Variants in MCM7 observed in about 807,000 individuals in gnomAD.
MCM7 encodes the protein DNA replication licensing factor MCM7.
In MCM7, 95 loss-of-function variants were observed where a neutral mutation model predicts 83.5. That is an observed-to-expected ratio of 1.14 (90% confidence interval 0.96 to 1.35). The LOEUF (loss-of-function observed/expected upper bound fraction) is 1.35. Ranked by LOEUF, MCM7 falls within the 40% of genes most tolerant of loss-of-function variation. The pLI is 0.00. For missense variants in MCM7, 1,087 were observed against 957.4 expected, an observed-to-expected ratio of 1.14 and a Z score of -1.79; for synonymous variants, 461 against 352.7, an observed-to-expected ratio of 1.31 and a Z score of -3.44.
At chr7:100,100,936 GC>G (rs1244178065) in intron 1 of MCM7, 2 of 1,026,096 alleles carry the variant, frequency 1.9e-6, no homozygotes, top group South Asian at 6.1e-5. Flanking sequence ...GGGCACGGGA[GC>G]CCAGAGCCCT....
intron 13 of MCM7, 142 bp from the exon 14 acceptor site, chr7:100,093,543 C>A (rs755401984): frequency 3.7e-6 from 3 of 819,860 alleles, no homozygotes. Flanking sequence ...CCCCTCCCCC[C>A]AGCATCCGCA....
Position 100,099,674 on chromosome 7 carries a change from TCCA to T in MCM7, c.188_190del (p.Val63del). ...GCGCCTGGCATTCTCACAAATTGAGTCCACCAACTCGGGGTCATCCTCGGCTAC... is the reference window on the plus strand; with the variant it reads ...GCGCCTGGCATTCTCACAAATTGAGTCCAACTCGGGGTCATCCTCGGCTAC... On this transcript the variant is annotated inframe_deletion, in exon 3 of 15. Transcript: ENST00000303887. The T allele has an allele frequency of 1.2e-6, 2 of 1,614,080 alleles. No homozygotes were observed. The highest frequency in any genetic ancestry group is 1.7e-6 in the Non-Finnish European group (2 of 1,180,026).
At chr7:100,096,763 T>G (rs2116571430) in intron 10 of MCM7, among the ~76,000 whole-genome samples, 1 of 150,506 alleles carries the variant, frequency 6.6e-6, no homozygotes, top group East Asian at 2.0e-4. Context: ...TGACTGAGAC[T>G]CCGTCTCAAA....
At chr7:100,101,122 A>C in intron 1 of MCM7, 142 bp downstream of exon 1, 1 of 1,048,932 alleles carries the variant, frequency 9.5e-7, no homozygotes, top group Non-Finnish European at 1.4e-6. Context: ...GGCCTTAGCC[A>C]GGCCGCAGCT....
intron 12 of MCM7, among the ~76,000 whole-genome samples, chr7:100,094,681 G>C (rs1795523683): frequency 6.6e-6 from 1 of 152,156 alleles, no homozygotes; most frequent in Non-Finnish European, 1.5e-5. Flanking sequence ...AAAGAGAACT[G>C]TTTACAGAAT....
At chr7:100,097,054 T>C (rs544426547) in intron 10 of MCM7, among the ~76,000 whole-genome samples, 38 of 152,206 alleles carry the variant, frequency 2.5e-4, no homozygotes, top group African/African-American at 8.4e-4. Context: ...TGAACCGAGA[T>C]AGCGCCACTG....
At position 100,099,633 on chromosome 7, in the gene MCM7, CAA is replaced by C. The variant is rs763289795; in HGVS notation, c.230_231del (p.Phe77CysfsTer2). On this transcript the variant is annotated frameshift_variant, in exon 3 of 15. Transcript: ENST00000303887. LOFTEE classifies it high-confidence loss of function. ...GGCAGCAGCTCTTGTACGGCATCAG[CAA>C]AGAGCTTCGCGTAGCGCCTGGCATT... ...CENARRYAKL[F>X]ADAVQELLPQ... 1.2e-6 allele frequency: 2 copies of C among 1,614,156 alleles called. No homozygotes were observed. The highest frequency in any genetic ancestry group is 2.7e-5 in the African/African-American group (2 of 75,046).
At chr7:100,100,821 G>A (rs1795965659) in intron 1 of MCM7, 15 of 1,000,584 alleles carry the variant, frequency 1.5e-5, no homozygotes, top group Non-Finnish European at 1.7e-5. Context: ...GGCCTCAAAC[G>A]GCCAATCCCG....
intron 5 of MCM7, 46 bp from the exon 6 acceptor site, chr7:100,098,761 A>G (rs1297079875): frequency 1.2e-6 from 2 of 1,610,160 alleles, no homozygotes; most frequent in Non-Finnish European, 1.7e-6. Flanking sequence ...GAAGGAAAAG[A>G]GCCCCATTGG....
At position 100,100,813 on chromosome 7, in the gene MCM7, C is replaced by T. The variant is rs1795965278; in HGVS notation, c.31+451G>A. ...GGCTCCACTTCCGCTCGGAGGGCGG[C>T]CTCAAACGGCCAATCCCGGCGCGCA... On this transcript the variant is annotated intron_variant, in intron 1 of 14. Coordinates refer to ENST00000303887, the MANE Select transcript of MCM7 (RefSeq NM_005916.5). 4 of 999,314 alleles carry T rather than the reference C, an allele frequency of 4.0e-6. No homozygotes were observed. The South Asian group carries it at 1.3e-4, about 32-fold the overall frequency. 61.9% of individuals were successfully genotyped at this position (999,314 alleles called of 1,614,324 possible).
In MCM7 at chr7:100,100,068, C is replaced by T. The variant is rs1001999947; in HGVS notation, c.57G>A (p.Glu19=). The change falls in exon 2 of 15, where the codon GAG becomes GAA. Residue 19 remains glutamate, a synonymous_variant. Transcript: ENST00000303887. Reference sequence around the variant, plus strand: ...TCCCGAGTTCATCATCCTGGTAGAACTCTTGTAAGAACTTCTTAACCTTTT... The same window carrying T: ...TCCCGAGTTCATCATCCTGGTAGAATTCTTGTAAGAACTTCTTAACCTTTT... ...EKEKVKKFLQ[E]FYQDDELGKK... is the part of the protein sequence containing the mutation. 4 of 1,614,050 alleles carry T rather than the reference C, an allele frequency of 2.5e-6. No homozygotes were observed. In the African/African-American group the frequency reaches 4.0e-5, roughly 16 times the overall value.
chr7:100,098,809 C>G, intron 5 of MCM7, 94 bp from the exon 6 acceptor site: 1 of 1,527,252 alleles, frequency 6.5e-7, no homozygotes, highest in Non-Finnish European at 9.0e-7. Flanking sequence ...TCATGGCAGA[C>G]ATCTTGTAAG....
intron 9 of MCM7, 72 bp from the exon 10 acceptor site, chr7:100,097,456 T>G (rs1225651000): frequency 2.4e-5 from 38 of 1,584,224 alleles, no homozygotes; most frequent in Non-Finnish European, 2.7e-5. Flanking sequence ...CAATTTTGAG[T>G]TCTGCCTACC....
At chr7:100,100,843 C>T in intron 1 of MCM7, 1 of 1,016,512 alleles carries the variant, frequency 9.8e-7, no homozygotes, top group Non-Finnish European at 1.2e-6. Context: ...CGCGCAGCGG[C>T]CCCGGCCTGC....
At chr7:100,097,508 G>A (rs13242458) in intron 9 of MCM7, 106 bp downstream of exon 9, 171,349 of 1,584,160 alleles carry the variant, frequency 0.11, 10,503 homozygotes, top group Non-Finnish European at 0.13. Context: ...CTGTGTCCAC[G>A]AAGGCAAGAT....
At chr7:100,098,319 G>T in intron 6 of MCM7, 29 bp from the exon 7 acceptor site, 1 of 1,611,304 alleles carries the variant, frequency 6.2e-7, no homozygotes, top group Non-Finnish European at 8.5e-7. Flanking sequence ...CATAAGACTA[G>T]GAGAAATGGA....
chr7:100,098,481 T>C (rs1795761750), intron 6 of MCM7, 97 bp downstream of exon 6: 1 of 1,568,644 alleles, frequency 6.4e-7, no homozygotes, highest in African/African-American at 1.4e-5. Flanking sequence ...TGCACTTCCC[T>C]CTTTTGTTCT....
rs879019729 is a variant in MCM7 at position 100,099,915 on chromosome 7, C to T, written c.111+99G>A. The T allele has an allele frequency of 1.4e-4, 207 of 1,430,598 alleles. 4 individuals are homozygous for T. In the South Asian group the frequency reaches 2.4e-3, roughly 16 times the overall value. The allele number at this position is 1,430,598 out of a possible 1,614,324, so 88.6% of individuals were successfully genotyped here. A position where few individuals can be genotyped will look rare whatever the true frequency, so the allele number is the denominator to read the frequency against. On this transcript the variant is annotated intron_variant, in intron 2 of 14. Transcript: ENST00000303887. The stretch of plus-strand genomic sequence containing the variant: ...CGATACTCGCTTTTCAGCCCTCAAA[C>T]CCTCTAATTGTTATGTCTTTAATAA...
Position 100,098,034 on chromosome 7 carries a change from T to C in MCM7, c.871-86A>G, listed in dbSNP as rs1056534725. The stretch of plus-strand genomic sequence containing the variant: ...CCCTAACAATTTCTTGACAAATCCC[T>C]GGGTTCTGTTTTGTTTGGGGTTTTG... On this transcript the variant is annotated intron_variant, in intron 7 of 14. Coordinates refer to ENST00000303887, the MANE Select transcript of MCM7 (RefSeq NM_005916.5). 3.9e-5 allele frequency: 62 copies of C among 1,576,920 alleles called. No homozygotes were observed. In the Admixed American group the frequency reaches 9.5e-4, roughly 24 times the overall value.
Sources: allele counts gnomAD v4.1 joint callset (sites outside exome capture counted in the v4.1 genomes callset), GRCh38; gene constraint gnomAD v4.1.1; transcripts MANE v1.5; gene names NCBI Gene and HGNC (gene_info 2026-07-23, HGNC 2026-07-21).